The following GLCCI1 variants were observed in gnomAD, a reference collection of about 807,000 sequenced individuals.
GLCCI1 encodes the protein glucocorticoid-induced transcript 1 protein.
Under a neutral mutation model 52.2 loss-of-function variants are expected in GLCCI1, and 24 were observed. The ratio of observed to expected loss-of-function variants is 0.46; its 90% CI spans 0.33 to 0.65. GLCCI1 has a LOEUF of 0.65. Among genes scored for constraint, GLCCI1 ranks in the 30% least tolerant of loss-of-function variants. The pLI is 0.02. For missense variants in GLCCI1, 704 were observed against 701.5 expected (o/e 1.00, Z -0.04); for synonymous variants, 310 against 276.5 (o/e 1.12, Z -1.20).
intron 1 of GLCCI1, among the ~76,000 whole-genome samples, chr7:8,001,045 G>T (rs892554754): frequency 1.3e-5 from 2 of 152,168 alleles, no homozygotes; most frequent in Non-Finnish European, 2.9e-5. Context: ...TACATTTAAG[G>T]TTAATATTGT....
chr7:8,026,617 GA>G (rs1482162573), intron 3 of GLCCI1, among the ~76,000 whole-genome samples: 1 of 152,236 alleles, frequency 6.6e-6, no homozygotes, highest in African/African-American at 2.4e-5. Context: ...GCACTTTGGG[GA>G]AGAAGAGCAC....
chr7:8,032,193 A>G (rs962822181), intron 3 of GLCCI1, among the ~76,000 whole-genome samples: 4 of 152,064 alleles, frequency 2.6e-5, no homozygotes, highest in African/African-American at 9.6e-5. Flanking sequence ...TAACCCAAGG[A>G]TATTTTTTAA....
chr7:8,059,909 T>C (rs891385356), intron 4 of GLCCI1, among the ~76,000 whole-genome samples, 187 bp from the exon 5 acceptor site: 2 of 152,238 alleles, frequency 1.3e-5, no homozygotes, highest in Non-Finnish European at 2.9e-5. Flanking sequence ...ATTTTGACTA[T>C]GTAATTTTCA....
intron 6 of GLCCI1, among the ~76,000 whole-genome samples, chr7:8,082,932 A>G (rs1361377358): frequency 6.6e-6 from 1 of 152,194 alleles, no homozygotes; most frequent in Non-Finnish European, 1.5e-5. Context: ...AGAACACAGA[A>G]GACTGTGGCC....
intron 1 of GLCCI1, among the ~76,000 whole-genome samples, chr7:7,995,217 C>G (rs1780915985): frequency 6.6e-6 from 1 of 152,070 alleles, no homozygotes; most frequent in Non-Finnish European, 1.5e-5. Context: ...GGAAATTATT[C>G]CCTACTTTAA....
intron 3 of GLCCI1, among the ~76,000 whole-genome samples, chr7:8,036,781 G>C (rs942262849): frequency 3.9e-5 from 6 of 152,076 alleles, no homozygotes; most frequent in African/African-American, 1.4e-4. Context: ...TTAACAAGTA[G>C]ACTAAACCAA....
At chr7:8,041,334 C>G (rs907277362) in intron 3 of GLCCI1, among the ~76,000 whole-genome samples, 1 of 152,122 alleles carries the variant, frequency 6.6e-6, no homozygotes, top group African/African-American at 2.4e-5. Flanking sequence ...GACATTGGTT[C>G]TGAGGTTTAA....
chr7:8,041,068 A>G (rs911454134), intron 3 of GLCCI1, among the ~76,000 whole-genome samples: 2 of 152,242 alleles, frequency 1.3e-5, no homozygotes, highest in Admixed American at 6.5e-5. Context: ...TTGCACCCAA[A>G]TAACCAAGCT....
At chr7:8,010,853 A>G (rs1781249349) in intron 2 of GLCCI1, among the ~76,000 whole-genome samples, 1 of 152,218 alleles carries the variant, frequency 6.6e-6, no homozygotes, top group African/African-American at 2.4e-5. Context: ...TTTATATCAT[A>G]TTACTGACTT....
chr7:8,030,300 C>G (rs1268137239), intron 3 of GLCCI1, among the ~76,000 whole-genome samples: 1 of 151,958 alleles, frequency 6.6e-6, no homozygotes, highest in Non-Finnish European at 1.5e-5. Context: ...GGGAAAAAGA[C>G]TTCAATCCAT....
At position 8,087,505 on chromosome 7, in the gene GLCCI1, A is replaced by G. The variant is rs1029718613; in HGVS notation, c.*967A>G. 9 of 152,668 alleles carry G rather than the reference A, an allele frequency of 5.9e-5. No individual in the cohort carries two copies. Among genetic ancestry groups the G allele is most frequent in the African/African-American group, 2.2e-4 (9 of 41,466 alleles). The allele number at this position is 152,668 out of a possible 1,614,324, so 9.5% of individuals were successfully genotyped here. ...CTAGAGTTAATTTCAAAATAAGTGAAGTGTTTGACGGAATGGTTGAGATTT... is the reference window on the plus strand; with the variant it reads ...CTAGAGTTAATTTCAAAATAAGTGAGGTGTTTGACGGAATGGTTGAGATTT... On this transcript the variant is annotated 3_prime_UTR_variant, in exon 8 of 8. Coordinates refer to ENST00000223145, the MANE Select transcript of GLCCI1 (RefSeq NM_138426.4).
intron 1 of GLCCI1, among the ~76,000 whole-genome samples, chr7:7,972,418 GTA>G (rs1336544937): frequency 6.6e-6 from 1 of 152,116 alleles, no homozygotes; most frequent in Non-Finnish European, 1.5e-5. Context: ...CAAGGGGTAG[GTA>G]TATAGTATAA....
At position 7,969,280 on chromosome 7, in the gene GLCCI1, C is replaced by G; in HGVS notation, c.-71C>G. 1 of 1,312,036 alleles carries G rather than the reference C, an allele frequency of 7.6e-7. No individual in the cohort carries two copies. Among genetic ancestry groups the G allele is most frequent in the Non-Finnish European group, 9.8e-7 (1 of 1,018,912 alleles). 81.3% of individuals were successfully genotyped at this position (1,312,036 alleles called of 1,614,324 possible). A position where few individuals can be genotyped will look rare whatever the true frequency, so the allele number is the denominator to read the frequency against. On this transcript the variant is annotated 5_prime_UTR_variant, in exon 1 of 8. Transcript: ENST00000223145. The surrounding 1 kb of genome is among the most constrained non-coding windows in gnomAD (Gnocchi z 4.9). ...CTCGCACGCACTATCGCGCCGGCTC[C>G]CACACGCTCGCGCGCCTCCCGCCCC...
intron 3 of GLCCI1, among the ~76,000 whole-genome samples, chr7:8,042,437 A>C (rs763265444): frequency 9.9e-5 from 15 of 152,200 alleles, no homozygotes; most frequent in Non-Finnish European, 2.1e-4. Flanking sequence ...TCCACCCTTA[A>C]TGGATGACTT....
intron 6 of GLCCI1, among the ~76,000 whole-genome samples, chr7:8,071,717 A>G (rs187799589): frequency 5.1e-4 from 77 of 152,258 alleles, no homozygotes; most frequent in African/African-American, 1.8e-3. Flanking sequence ...CTACTTGTGT[A>G]CACCAACACT....
chr7:7,978,835 A>G lies in GLCCI1; in HGVS notation c.457+9028A>G, dbSNP rs112172368. Among the ~76,000 whole-genome samples the G allele has an allele frequency of 2.6e-5, 4 of 152,334 alleles. 1 individual carries two copies. The highest frequency in any genetic ancestry group is 2.1e-4 in the South Asian group (1 of 4,834). On this transcript the variant is annotated intron_variant, in intron 1 of 7. Coordinates refer to ENST00000223145, the MANE Select transcript of GLCCI1 (RefSeq NM_138426.4). ...TCAAGTCTAGCCATATGGAAACTTT[A>G]CTATTCCTCATACAAACTTGTGAAG... is the stretch of plus-strand genomic sequence containing the variant.
At chr7:8,063,530 G>A (rs1030462434) in intron 5 of GLCCI1, among the ~76,000 whole-genome samples, 2 of 151,532 alleles carry the variant, frequency 1.3e-5, no homozygotes, top group Admixed American at 6.6e-5. Flanking sequence ...GTAATGTGGA[G>A]CATTTTTTCA....
At chr7:8,016,411 G>A (rs539716611) in intron 2 of GLCCI1, among the ~76,000 whole-genome samples, 93 of 152,250 alleles carry the variant, frequency 6.1e-4, no homozygotes, top group African/African-American at 2.2e-3. Flanking sequence ...GGAGCTTGCA[G>A]CGAGCCGAGA....
At chr7:8,066,205 T>G (rs1782627977) in intron 5 of GLCCI1, among the ~76,000 whole-genome samples, 2 of 152,202 alleles carry the variant, frequency 1.3e-5, no homozygotes, top group African/African-American at 4.8e-5. Flanking sequence ...CATAGTAGTC[T>G]CTGAGGGTTT....
Sources: allele counts gnomAD v4.1 joint callset (sites outside exome capture counted in the v4.1 genomes callset), GRCh38; gene constraint gnomAD v4.1.1; non-coding constraint Gnocchi (gnomAD v3.1); transcripts MANE v1.5; gene names NCBI Gene and HGNC (gene_info 2026-07-23, HGNC 2026-07-21).